The following NAV2 variants were observed in gnomAD, a reference collection of about 807,000 sequenced individuals.
NAV2 encodes the protein helicase, APC down-regulated 1.
Under a neutral mutation model 223.2 loss-of-function variants are expected in NAV2, and 54 were observed. The ratio of observed to expected loss-of-function variants is 0.24; its 90% CI spans 0.19 to 0.30. NAV2 has a LOEUF of 0.30. Ranked by LOEUF, NAV2 falls within the 10% of genes least tolerant of loss-of-function variation. The pLI is 1.00. For synonymous variants in NAV2, 1,279 were observed against 1,239.3 expected, an observed-to-expected ratio of 1.03 and a Z score of -0.67; for missense variants, 2,806 against 3,147.5, an observed-to-expected ratio of 0.89 and a Z score of 2.60.
chr11:19,646,106 G>A (rs966452956), intron 1 of NAV2, among the ~76,000 whole-genome samples: 2 of 152,196 alleles, frequency 1.3e-5, no homozygotes, highest in African/African-American at 4.8e-5. Context: ...CACCCACCTT[G>A]CAGATTATCC....
At chr11:19,955,698 C>G (rs1365984506) in intron 10 of NAV2, among the ~76,000 whole-genome samples, 3 of 152,170 alleles carry the variant, frequency 2.0e-5, no homozygotes, top group Non-Finnish European at 4.4e-5. Flanking sequence ...AGGTATTTCT[C>G]ACCAAGTCAG....
At chr11:20,087,618 G>C (rs1401887098) in intron 26 of NAV2, among the ~76,000 whole-genome samples, 3 of 152,152 alleles carry the variant, frequency 2.0e-5, no homozygotes, top group African/African-American at 4.8e-5. Flanking sequence ...AGTGGAAAAA[G>C]GCTTGAATCA....
rs1276685614 is a variant in NAV2, at chr11:19,720,467, T to A, written c.267+6505T>A. Among the ~76,000 whole-genome samples the A allele has an allele frequency of 2.6e-5, 4 of 152,200 alleles. No individual in the cohort carries two copies. The East Asian group carries it at 7.7e-4, about 29-fold the overall frequency. On this transcript the variant is annotated intron_variant, in intron 1 of 37. Coordinates refer to ENST00000349880, the MANE Select transcript of NAV2 (RefSeq NM_145117.5). ...GCCCCCAGCCTCAGAATATTTTGCC[T>A]CTTCTTCCAAGTGAAACCTCAACAC...
intron 11 of NAV2, among the ~76,000 whole-genome samples, chr11:19,986,213 G>T (rs1427774522): frequency 6.6e-6 from 1 of 152,212 alleles, no homozygotes; most frequent in East Asian, 1.9e-4. Context: ...GGGTTGAAAA[G>T]ATAGGTAGCA....
chr11:20,104,335 T>G (rs539513604), intron 34 of NAV2: 1 of 153,416 alleles, frequency 6.5e-6, no homozygotes. Context: ...TGCCCCATAT[T>G]GAATCTCAGT....
chr11:19,360,719 C>A (rs1457236863), intron 1 of NAV2, among the ~76,000 whole-genome samples: 2 of 152,192 alleles, frequency 1.3e-5, no homozygotes, highest in East Asian at 1.9e-4. Flanking sequence ...TGGGAAAAAC[C>A]TGGTAGAAAG....
rs73429740 is a variant in NAV2 at position 19,751,231 on chromosome 11, G to A, written c.267+37269G>A. Among the ~76,000 whole-genome samples the A allele has an allele frequency of 4.2e-3, 634 of 152,310 alleles. 8 individuals are homozygous for A. Among genetic ancestry groups the A allele is most frequent in the African/African-American group, 0.014 (591 of 41,558 alleles). On this transcript the variant is annotated intron_variant, in intron 1 of 37. Coordinates refer to ENST00000349880, the MANE Select transcript of NAV2 (RefSeq NM_145117.5). ...ACCCAAGGGCACACAGCAGGGAGGT[G>A]ACAGAGCTGGGACTTTTATCCAGGG...
At chr11:19,740,286 G>C (rs1834320) in intron 1 of NAV2, among the ~76,000 whole-genome samples, 142,244 of 152,218 alleles carry the variant, frequency 0.93, 67,222 homozygotes, top group East Asian at 1. Context: ...GGGATGAAAC[G>C]TGTGCTGTGT....
chr11:19,704,179 C>T (rs2049592435), intron 1 of NAV2, among the ~76,000 whole-genome samples: 1 of 152,052 alleles, frequency 6.6e-6, no homozygotes, highest in Non-Finnish European at 1.5e-5. Context: ...CAAAGACCAC[C>T]CCCTGTAACT....
intron 28 of NAV2, 128 bp downstream of exon 28, chr11:20,092,496 G>A (rs1046035936): frequency 2.1e-5 from 19 of 925,748 alleles, no homozygotes; most frequent in South Asian, 3.4e-5. Flanking sequence ...GTGCACTTGG[G>A]GTGTGTATGT....
intron 26 of NAV2, among the ~76,000 whole-genome samples, chr11:20,085,949 C>T (rs1460499794): frequency 6.6e-6 from 1 of 152,214 alleles, no homozygotes; most frequent in East Asian, 1.9e-4. Flanking sequence ...ATAGCAGCCT[C>T]TGCCACCCCA....
intron 1 of NAV2, among the ~76,000 whole-genome samples, chr11:19,726,401 A>G (rs1321564107): frequency 6.6e-6 from 1 of 152,062 alleles, no homozygotes; most frequent in Non-Finnish European, 1.5e-5. Flanking sequence ...CTGTTTTCTT[A>G]CCCCTTCATT....
chr11:19,910,844 C>G (rs185209621), intron 6 of NAV2, among the ~76,000 whole-genome samples: 4 of 151,932 alleles, frequency 2.6e-5, no homozygotes, highest in African/African-American at 7.3e-5. Flanking sequence ...GGTGACAGAG[C>G]GAGACTCTGT....
At chr11:19,512,521 T>C (rs116392110) in intron 1 of NAV2, among the ~76,000 whole-genome samples, 4,367 of 152,242 alleles carry the variant, frequency 0.029, 71 homozygotes, top group Middle Eastern at 0.034. Flanking sequence ...AAGGGTCCCA[T>C]CCCCTGCTGG....
chr11:19,990,289 A>G (rs1306098381), intron 11 of NAV2, among the ~76,000 whole-genome samples: 3 of 152,172 alleles, frequency 2.0e-5, no homozygotes. Flanking sequence ...GGAGCCTGCA[A>G]TGTCAAGATC....
intron 1 of NAV2, among the ~76,000 whole-genome samples, chr11:19,496,032 G>A (rs188111906): frequency 3.3e-5 from 5 of 152,142 alleles, no homozygotes; most frequent in African/African-American, 1.2e-4. Context: ...CCCAAAGAGT[G>A]CAGGAGGCTT....
In NAV2 at chr11:19,893,277, T is replaced by C. The variant is rs146437779; in HGVS notation, c.931+683T>C. ...GTTTCAGCCTCTATCTCTTGAGACA[T>C]TGGAGAAACTAAGGTAGTTTCAAAG... On this transcript the variant is annotated intron_variant, in intron 6 of 37. Transcript: ENST00000349880. Among the ~76,000 whole-genome samples the C allele has an allele frequency of 5.0e-3, 762 of 152,236 alleles. 15 individuals carry two copies. The highest frequency in any genetic ancestry group is 0.017 in the African/African-American group (716 of 41,546).
intron 1 of NAV2, among the ~76,000 whole-genome samples, chr11:19,706,480 T>C (rs2049666439): frequency 6.6e-6 from 1 of 152,252 alleles, no homozygotes; most frequent in African/African-American, 2.4e-5. Flanking sequence ...TTGTATATTT[T>C]GTGCTGCCTC....
At chr11:19,938,215 T>C (rs992242457) in intron 7 of NAV2, among the ~76,000 whole-genome samples, 1 of 152,154 alleles carries the variant, frequency 6.6e-6, no homozygotes, top group Non-Finnish European at 1.5e-5. Flanking sequence ...CTGTGGGTAA[T>C]GGAAACCACC....
Sources: gnomAD v4.1 joint callset for allele counts (sites outside exome capture counted in the v4.1 genomes callset) on GRCh38, gnomAD v4.1.1 for gene constraint, MANE v1.5 for transcripts, NCBI Gene and HGNC (gene_info 2026-07-23, HGNC 2026-07-21) for gene names.